Variants in TFF1 observed in about 807,000 individuals in gnomAD.
The protein encoded by TFF1 is breast cancer estrogen-inducible protein.
A neutral mutation model predicts 7.7 loss-of-function variants in TFF1; 8 were observed. The ratio of observed to expected loss-of-function variants is 1.04; its 90% CI spans 0.61 to 1.87. TFF1 has a LOEUF of 1.87. Among genes scored for constraint, TFF1 ranks in the 40% most tolerant of loss-of-function variants. The pLI, the probability that TFF1 is intolerant of heterozygous loss-of-function variation, is 0.00. For missense variants in TFF1, 120 were observed against 113.4 expected (o/e 1.06, Z -0.26); for synonymous variants, 47 against 44.8 (o/e 1.05, Z -0.19).
intron 1 of TFF1, among the ~76,000 whole-genome samples, chr21:42,366,175 C>T (rs1444931976): frequency 6.6e-6 from 1 of 152,130 alleles, no homozygotes; most frequent in Non-Finnish European, 1.5e-5. Context: ...AAAACAGCCC[C>T]GACTGAAGGC....
Position 42,366,313 on chromosome 21 carries a change from A to G in TFF1, c.85+98T>C, listed in dbSNP as rs1298035549. The G allele has an allele frequency of 3.3e-6, 3 of 909,618 alleles. No homozygotes were observed. The African/African-American group carries it at 5.0e-5, about 15-fold the overall frequency. 56.3% of individuals were successfully genotyped at this position (909,618 alleles called of 1,614,324 possible). ...AGGGCCTAGAACAGCACCTGGCACA[A>G]AACAGGTGCTCAAAAATATGTATGT... On this transcript the variant is annotated intron_variant, in intron 1 of 2. Coordinates refer to ENST00000291527, the MANE Select transcript of TFF1 (RefSeq NM_003225.3).
intron 1 of TFF1, among the ~76,000 whole-genome samples, chr21:42,364,951 G>A (rs2052267874): frequency 1.3e-5 from 2 of 152,124 alleles, no homozygotes; most frequent in Non-Finnish European, 2.9e-5. Flanking sequence ...GAGGCCCCGT[G>A]GTGAGGGAGG....
chr21:42,363,898 G>A (rs2052259208), intron 1 of TFF1, among the ~76,000 whole-genome samples: 1 of 152,130 alleles, frequency 6.6e-6, no homozygotes, highest in South Asian at 2.1e-4. Context: ...TTGAGGTCAG[G>A]AGTTCAAGAC....
At chr21:42,362,578 T>G in intron 2 of TFF1, 83 bp from the exon 3 acceptor site, 1 of 1,476,164 alleles carries the variant, frequency 6.8e-7, no homozygotes, top group Non-Finnish European at 9.1e-7. Flanking sequence ...TACAGAGTTT[T>G]TACTTTAAAG....
chr21:42,362,525 A>T (rs2052246169), intron 2 of TFF1, 30 bp from the exon 3 acceptor site: 1 of 1,566,212 alleles, frequency 6.4e-7, no homozygotes, highest in Middle Eastern at 1.7e-4. Context: ...GGAGAAAGAG[A>T]TGCTTTAGTG....
chr21:42,363,194 C>A, intron 2 of TFF1, 61 bp downstream of exon 2: 1 of 1,608,924 alleles, frequency 6.2e-7, no homozygotes, highest in South Asian at 1.1e-5. Context: ...CCTCTGTAGT[C>A]TTAAATGACT....
At position 42,363,122 on chromosome 21, in the gene TFF1, A is replaced by AT; in HGVS notation, c.238+132dup. On this transcript the variant is annotated intron_variant, in intron 2 of 2. Transcript: ENST00000291527. ...AATGCAGCCTGACTCAGGCTACCCCATTGCACCACCACTGGCGGCCGTGAC... is the reference window on the plus strand; with the variant it reads ...AATGCAGCCTGACTCAGGCTACCCCATTTGCACCACCACTGGCGGCCGTGAC... The AT allele has an allele frequency of 2.5e-6, 3 of 1,182,714 alleles. No homozygotes were observed. In the South Asian group the frequency reaches 4.3e-5, roughly 17 times the overall value. The allele number at this position is 1,182,714 out of a possible 1,614,324, so 73.3% of individuals were successfully genotyped here. A position where few individuals can be genotyped will look rare whatever the true frequency, so the allele number is the denominator to read the frequency against.
At chr21:42,364,232 G>A (rs1002947075) in intron 1 of TFF1, among the ~76,000 whole-genome samples, 1 of 152,158 alleles carries the variant, frequency 6.6e-6, no homozygotes, top group Non-Finnish European at 1.5e-5. Flanking sequence ...TCCCCGGAGA[G>A]GCCAATGACA....
At chr21:42,366,307 G>A (rs2052278662) in intron 1 of TFF1, 104 bp downstream of exon 1, 2 of 827,416 alleles carry the variant, frequency 2.4e-6, no homozygotes, top group Admixed American at 2.8e-5. Context: ...AACAGCACCT[G>A]GCACAAAACA....
chr21:42,364,601 G>A (rs772364689), intron 1 of TFF1, among the ~76,000 whole-genome samples: 1 of 152,200 alleles, frequency 6.6e-6, no homozygotes, highest in Non-Finnish European at 1.5e-5. Flanking sequence ...AGGATCTGGT[G>A]GTTGACAGCC....
In TFF1 at chr21:42,363,297, G is replaced by A. The variant is rs760687419; in HGVS notation, c.196C>T (p.Pro66Ser). 7 of 1,614,166 alleles carry A rather than the reference G, an allele frequency of 4.3e-6. No individual in the cohort carries two copies. The East Asian group carries it at 1.6e-4, about 36-fold the overall frequency. Residue 66 changes from proline (P) to serine (S), a missense_variant, in exon 2 of 3, where the codon CCC becomes TCC. Transcript: ENST00000291527. ...ATGGTATTAGGATAGAAGCACCAGG[G>A]GACCCCACGAACGGTGTCGTCGAAA... ...CCFDDTVRGV[P>S]WCFYPNTIDV...
intron 1 of TFF1, among the ~76,000 whole-genome samples, chr21:42,366,201 G>A (rs1275176677): frequency 5.9e-4 from 90 of 152,070 alleles, no homozygotes; most frequent in Non-Finnish European, 1.2e-4. Flanking sequence ...CCTCCTCGTC[G>A]CACTTCTCGA....
chr21:42,364,165 G>A (rs1006712195), intron 1 of TFF1, among the ~76,000 whole-genome samples: 15 of 151,914 alleles, frequency 9.9e-5, no homozygotes, highest in East Asian at 1.9e-4. Context: ...GAACATGTGC[G>A]AGACAACGCA....
rs112260812 is a variant in TFF1, at chr21:42,363,857, G to A, written c.86-450C>T. 7.4e-3 allele frequency among the ~76,000 whole-genome samples: 1,123 copies of A among 152,282 alleles called. 18 individuals carry two copies. The highest frequency in any genetic ancestry group is 0.022 in the African/African-American group (929 of 41,556). On this transcript the variant is annotated intron_variant, in intron 1 of 2. Transcript: ENST00000291527. ...GCCCAGGCTCATGCCTGTAATCCCA[G>A]CACTTTGGGAGGCTGAAGGAGGTGA...
At position 42,366,391 on chromosome 21, in the gene TFF1, C is replaced by A; in HGVS notation, c.85+20G>T. ...CAGAGCTGGCTGTGGCCCCACAGAG[C>A]AGGAAGAAGCACGCCTTACCTGTCT... On this transcript the variant is annotated intron_variant, in intron 1 of 2. Coordinates refer to ENST00000291527, the MANE Select transcript of TFF1 (RefSeq NM_003225.3). The A allele has an allele frequency of 6.3e-7, 1 of 1,589,394 alleles. No homozygotes were observed.
In TFF1 at chr21:42,366,477, T is replaced by A. The variant is rs755859448; in HGVS notation, c.19A>T (p.Lys7Ter). 1 of 1,612,414 alleles carries A rather than the reference T, an allele frequency of 6.2e-7. No homozygotes were observed. Among genetic ancestry groups the A allele is most frequent in the Non-Finnish European group, 8.5e-7 (1 of 1,178,852 alleles). Residue 7 changes from lysine to a stop codon, truncating the protein, a stop_gained, in exon 1 of 3, where the codon AAG becomes TAG. Transcript: ENST00000291527. LOFTEE classifies it high-confidence loss of function. ...ACCAGGACCAGGGCGCAGATCACCT[T>A]GTTCTCCATGGTGGCCATTGCCTCC... MATMEN[K>*]VICALVLVSM...
At chr21:42,363,717 C>T (rs928898937) in intron 1 of TFF1, among the ~76,000 whole-genome samples, 3 of 152,160 alleles carry the variant, frequency 2.0e-5, no homozygotes, top group African/African-American at 7.2e-5. Context: ...TACTGAGCAC[C>T]ATTTGTGTGC....
intron 1 of TFF1, among the ~76,000 whole-genome samples, chr21:42,365,411 G>A (rs1448186593): frequency 6.6e-6 from 1 of 152,106 alleles, no homozygotes; most frequent in Admixed American, 6.5e-5. Flanking sequence ...TGGGCTTGGG[G>A]GTCTTCCCAC....
At chr21:42,363,204 T>G (rs1568867970) in intron 2 of TFF1, 51 bp downstream of exon 2, 1 of 1,612,414 alleles carries the variant, frequency 6.2e-7, no homozygotes, top group Non-Finnish European at 8.5e-7. Context: ...CTTAAATGAC[T>G]TTTCTAACTA....
Sources: gnomAD v4.1 joint callset for allele counts (sites outside exome capture counted in the v4.1 genomes callset) on GRCh38, gnomAD v4.1.1 for gene constraint, MANE v1.5 for transcripts, NCBI Gene and HGNC (gene_info 2026-07-23, HGNC 2026-07-21) for gene names.